The following ARK2N variants were observed in gnomAD, a reference collection of about 807,000 sequenced individuals.
ARK2N encodes protein ARK2N.
the ARK2N span, among the ~76,000 whole-genome samples, chr18:46,210,924 AAAG>A: frequency 1.3e-5 from 2 of 151,902 alleles, no homozygotes; most frequent in African/African-American, 4.8e-5. Context: ...AAAAAAAAAA[AAAG>A]AACTCACGTT....
the ARK2N span, among the ~76,000 whole-genome samples, chr18:46,208,282 A>G: frequency 7.9e-3 from 1,201 of 152,260 alleles, 4 homozygotes; most frequent in Non-Finnish European, 0.012. Context: ...ATGCTTTAAG[A>G]AATTTGCAAT....
At chr18:46,263,366 A>G in the ARK2N span, 1 of 335,812 alleles carries the variant, frequency 3.0e-6, no homozygotes, top group African/African-American at 2.1e-5. Flanking sequence ...GAATTTTATT[A>G]GACAACTTTA....
the ARK2N span, among the ~76,000 whole-genome samples, chr18:46,187,074 G>A: frequency 5.4e-5 from 8 of 146,970 alleles, no homozygotes; most frequent in South Asian, 2.2e-4. Context: ...GACTGGTCTC[G>A]AACTCCAGAC....
At chr18:46,179,513 G>A in the ARK2N span, among the ~76,000 whole-genome samples, 2 of 152,130 alleles carry the variant, frequency 1.3e-5, no homozygotes, top group Non-Finnish European at 1.5e-5. Context: ...CTCAGCAGAA[G>A]TGGGATTGAT....
chr18:46,244,861 G>A, the ARK2N span, among the ~76,000 whole-genome samples: 11 of 151,818 alleles, frequency 7.2e-5, no homozygotes, highest in Non-Finnish European at 1.3e-4. Flanking sequence ...TTGGCCTCCC[G>A]AAGTGCTAAG....
chr18:46,205,049 A>G, the ARK2N span, among the ~76,000 whole-genome samples: 1 of 151,754 alleles, frequency 6.6e-6, no homozygotes, highest in Non-Finnish European at 1.5e-5. Context: ...CTGGGACTAC[A>G]GGAACCCACG....
chr18:46,220,232 C>T, the ARK2N span, among the ~76,000 whole-genome samples: 3 of 152,136 alleles, frequency 2.0e-5, no homozygotes, highest in South Asian at 4.1e-4. Flanking sequence ...TGGAGAATGT[C>T]ATTGAGGCTA....
At chr18:46,189,430 A>G in the ARK2N span, among the ~76,000 whole-genome samples, 1 of 152,154 alleles carries the variant, frequency 6.6e-6, no homozygotes, top group Admixed American at 6.6e-5. Context: ...AACTTACTTT[A>G]AAGGAGTCTG....
At chr18:46,186,661 C>T in the ARK2N span, among the ~76,000 whole-genome samples, 1 of 151,786 alleles carries the variant, frequency 6.6e-6, no homozygotes, top group Middle Eastern at 3.4e-3. Flanking sequence ...CCCGCCACCA[C>T]GCCCAGCTAA....
At chr18:46,259,772 CTGTGTGTGTGTGTG>C in the ARK2N span, among the ~76,000 whole-genome samples, 18 of 104,858 alleles carry the variant, frequency 1.7e-4, no homozygotes, top group African/African-American at 4.2e-4. Context: ...CACCCAGCTA[CTGTGTGTGTGTGTG>C]TGTGTGTGTG....
the ARK2N span, among the ~76,000 whole-genome samples, chr18:46,197,930 T>C: frequency 1.3e-5 from 2 of 152,192 alleles, no homozygotes; most frequent in Non-Finnish European, 2.9e-5. Flanking sequence ...AATCTGTCTT[T>C]TAGTTTGCTA....
At chr18:46,256,689 C>T in the ARK2N span, among the ~76,000 whole-genome samples, 2 of 152,118 alleles carry the variant, frequency 1.3e-5, no homozygotes, top group East Asian at 3.9e-4. Flanking sequence ...ATTTTAAAAC[C>T]TCAGTGGTGG....
chr18:46,195,559 CTTTTTTTTTT>C, the ARK2N span, among the ~76,000 whole-genome samples: 798 of 72,392 alleles, frequency 0.011, 5 homozygotes, highest in African/African-American at 0.015. Context: ...CCCACATAAA[CTTTTTTTTTT>C]TTTTTTTTTT....
chr18:46,228,612 G>T, the ARK2N span: 5 of 390,746 alleles, frequency 1.3e-5, no homozygotes, highest in Admixed American at 8.9e-5. Context: ...GGGAGATAGG[G>T]TCTCACTCTG....
At chr18:46,203,349 C>T in the ARK2N span, among the ~76,000 whole-genome samples, 1 of 152,146 alleles carries the variant, frequency 6.6e-6, no homozygotes, top group Middle Eastern at 3.4e-3. Context: ...ATGGATGAAC[C>T]TGAGAGACAT....
chr18:46,263,101 C>G, the ARK2N span: 1 of 1,612,192 alleles, frequency 6.2e-7, no homozygotes, highest in Non-Finnish European at 8.5e-7. Flanking sequence ...GGATAGCAGG[C>G]GTAAATACCT....
chr18:46,254,032 A>G, the ARK2N span, among the ~76,000 whole-genome samples: 33 of 152,360 alleles, frequency 2.2e-4, no homozygotes, highest in African/African-American at 7.5e-4. Context: ...TATCAAGGAC[A>G]TTTCAACCAT....
chr18:46,246,802 G>C, the ARK2N span, among the ~76,000 whole-genome samples: 1 of 152,032 alleles, frequency 6.6e-6, no homozygotes, highest in South Asian at 2.1e-4. Context: ...TTAGCCTGGC[G>C]TGGTGGTGCA....
chr18:46,235,994 G>A, the ARK2N span, among the ~76,000 whole-genome samples: 369 of 152,264 alleles, frequency 2.4e-3, 3 homozygotes, highest in Middle Eastern at 0.017. Flanking sequence ...CACTGTATCA[G>A]GAATATGTGA....
Sources: gnomAD v4.1 joint callset for allele counts (sites outside exome capture counted in the v4.1 genomes callset) on GRCh38, gnomAD v4.1.1 for gene constraint, MANE v1.5 for transcripts, NCBI Gene and HGNC (gene_info 2026-07-23, HGNC 2026-07-21) for gene names.